Variants in FBN1 observed in about 807,000 individuals in gnomAD.
FBN1 encodes the protein fibrillin-1.
In FBN1, 29 loss-of-function variants were observed where a neutral mutation model predicts 365.1. The observed-to-expected ratio is 0.08, with a 90% CI of 0.06 to 0.11. The LOEUF is 0.11. Ranked by LOEUF, FBN1 falls within the 10% of genes least tolerant of loss-of-function variation. FBN1 has a pLI of 1.00. For missense variants in FBN1, 2,476 were observed against 3,703.2 expected, an observed-to-expected ratio of 0.67 and a Z score of 8.60; for synonymous variants, 1,210 against 1,270.5, an observed-to-expected ratio of 0.95 and a Z score of 1.01.
intron 30 of FBN1, 123 bp downstream of exon 30, chr15:48,485,250 AC>A: frequency 8.2e-7 from 1 of 1,224,044 alleles, no homozygotes; most frequent in African/African-American, 1.5e-5. Context: ...GATTAAGGAT[AC>A]AGTTAAAATA....
intron 2 of FBN1, chr15:48,644,231 G>A (rs923225961): frequency 4.6e-6 from 1 of 217,582 alleles, no homozygotes; most frequent in Non-Finnish European, 9.3e-6. Context: ...CTACCAAGAT[G>A]ACCCCAAGGA....
In FBN1 at chr15:48,432,995, C is replaced by T. The variant is rs2043036160; in HGVS notation, c.6617-7G>A. ...TGGGCACATTCATTTATATCTGCAG[C>T]AGAGGAGAGTAAGTAAATAAGGGAT... is the stretch of plus-strand genomic sequence containing the variant. On this transcript the variant is annotated splice_region_variant and splice_polypyrimidine_tract_variant and intron_variant, in intron 54 of 65. Coordinates refer to ENST00000316623, the MANE Select transcript of FBN1 (RefSeq NM_000138.5). 6.2e-7 allele frequency: 1 copy of T among 1,613,052 alleles called. No homozygotes were observed. The highest frequency in any genetic ancestry group is 1.3e-5 in the African/African-American group (1 of 74,938).
At chr15:48,499,194 C>G (rs2043634967) in intron 17 of FBN1, among the ~76,000 whole-genome samples, 156 bp from the exon 18 acceptor site, 1 of 152,154 alleles carries the variant, frequency 6.6e-6, no homozygotes, top group Non-Finnish European at 1.5e-5. Flanking sequence ...CACCTTTACA[C>G]CAGGCTCCCA....
intron 53 of FBN1, among the ~76,000 whole-genome samples, chr15:48,435,810 G>GTGTGTGTA (rs1555395093): frequency 3.0e-5 from 4 of 134,228 alleles, no homozygotes; most frequent in South Asian, 5.0e-4. Context: ...GTGTGTGTGT[G>GTGTGTGTA]TATATATGCC....
chr15:48,427,476 A>T, intron 58 of FBN1, 91 bp downstream of exon 58: 1 of 1,324,124 alleles, frequency 7.6e-7, no homozygotes. Flanking sequence ...ACCTAGGCAC[A>T]TATTGCAAAC....
At position 48,490,134 on chromosome 15, in the gene FBN1, A is replaced by G. The variant is rs1189485355; in HGVS notation, c.2855-56T>C. The G allele has an allele frequency of 2.1e-6, 3 of 1,408,758 alleles. No individual in the cohort carries two copies. The African/African-American group carries it at 4.2e-5, about 20-fold the overall frequency. The allele number at this position is 1,408,758 out of a possible 1,614,324, so 87.3% of individuals were successfully genotyped here. On this transcript the variant is annotated intron_variant, in intron 24 of 65. Transcript: ENST00000316623. ...GAGCCACACGGCTTCCACTGCCCCA[A>G]ACTGCCAACACTCTGTTAGGTAAAA...
rs2042993419 is a variant in FBN1 at position 48,427,970 on chromosome 15, T to G, written c.6998-197A>C. On this transcript the variant is annotated intron_variant, in intron 57 of 65. Coordinates refer to ENST00000316623, the MANE Select transcript of FBN1 (RefSeq NM_000138.5). ...TGAGGGAAACAAATAAGACATTCAG[T>G]AAGTAGGCAGAAAGACATTGGCCTA... The G allele has an allele frequency of 4.3e-6, 3 of 700,554 alleles. No individual in the cohort carries two copies. The African/African-American group carries it at 5.3e-5, about 12-fold the overall frequency. 43.4% of individuals were successfully genotyped at this position (700,554 alleles called of 1,614,324 possible).
rs147374855 is a variant in FBN1, at chr15:48,475,510, A to T, written c.3965-860T>A. On this transcript the variant is annotated intron_variant, in intron 32 of 65. Transcript: ENST00000316623. ...AGTGAAAATTTTCCAAAACGAGCCC[A>T]TTCTATAATGGGTTACCCTCATAAT... Among the ~76,000 whole-genome samples, 643 of 152,348 alleles carry T rather than the reference A, an allele frequency of 4.2e-3. 5 individuals are homozygous for T. The highest frequency in any genetic ancestry group is 6.8e-3 in the Non-Finnish European group (463 of 68,022).
chr15:48,494,025 G>C (rs2043582015), intron 23 of FBN1, among the ~76,000 whole-genome samples, 179 bp downstream of exon 23: 1 of 152,162 alleles, frequency 6.6e-6, no homozygotes, highest in African/African-American at 2.4e-5. Context: ...TCTGACACTA[G>C]CAACAGTATA....
At chr15:48,524,239 G>A (rs997137868) in intron 9 of FBN1, among the ~76,000 whole-genome samples, 2 of 152,200 alleles carry the variant, frequency 1.3e-5, no homozygotes, top group Middle Eastern at 3.2e-3. Context: ...CACAAAGGGA[G>A]CTCGGGGCTG....
chr15:48,505,198 T>C, intron 15 of FBN1, 51 bp from the exon 16 acceptor site: 1 of 1,609,046 alleles, frequency 6.2e-7, no homozygotes, highest in South Asian at 1.1e-5. Context: ...TTATCTAAAA[T>C]TATAACATGT....
chr15:48,486,942 A>G (rs2043511899), intron 29 of FBN1, 133 bp downstream of exon 29: 1 of 668,904 alleles, frequency 1.5e-6, no homozygotes, highest in Admixed American at 3.9e-5. Context: ...AAAAGTAGCG[A>G]TGAAAACAAA....
chr15:48,516,661 A>G (rs540069074), intron 10 of FBN1, among the ~76,000 whole-genome samples: 1 of 152,228 alleles, frequency 6.6e-6, no homozygotes, highest in Non-Finnish European at 1.5e-5. Context: ...TACTTTCTCC[A>G]TCCAGTCCCA....
In FBN1 at chr15:48,575,637, A is replaced by G. The variant is rs185321080; in HGVS notation, c.538+20646T>C. Among the ~76,000 whole-genome samples, 223 of 152,256 alleles carry G rather than the reference A, an allele frequency of 1.5e-3. 1 individual carries two copies. Among genetic ancestry groups the G allele is most frequent in the African/African-American group, 5.2e-3 (217 of 41,560 alleles). ...AACCTCTGCGGAAAACAGTATGGACATTTCTCAAAGAACTAATCCAACAAT... is the reference window on the plus strand; with the variant it reads ...AACCTCTGCGGAAAACAGTATGGACGTTTCTCAAAGAACTAATCCAACAAT... On this transcript the variant is annotated intron_variant, in intron 6 of 65. Coordinates refer to ENST00000316623, the MANE Select transcript of FBN1 (RefSeq NM_000138.5).
chr15:48,415,440 T>A (rs1566889796), intron 64 of FBN1, 96 bp downstream of exon 64: 1 of 945,418 alleles, frequency 1.1e-6, no homozygotes, highest in East Asian at 2.5e-5. Flanking sequence ...AAAGCATGGT[T>A]CTCCTCTGCT....
intron 22 of FBN1, among the ~76,000 whole-genome samples, chr15:48,494,878 C>A (rs2043591434): frequency 6.6e-6 from 1 of 152,198 alleles, no homozygotes; most frequent in African/African-American, 2.4e-5. Context: ...AGCTGGCAGG[C>A]ACTGGTGCTC....
At chr15:48,469,640 T>C (rs1375818505) in intron 36 of FBN1, among the ~76,000 whole-genome samples, 4 of 152,186 alleles carry the variant, frequency 2.6e-5, no homozygotes, top group Admixed American at 2.0e-4. Flanking sequence ...CTCCTGCGGG[T>C]TGCGCTGCAG....
chr15:48,612,028 A>T (rs2044660674), intron 3 of FBN1, among the ~76,000 whole-genome samples: 1 of 152,228 alleles, frequency 6.6e-6, no homozygotes, highest in African/African-American at 2.4e-5. Context: ...TTTCTCAGAG[A>T]ACTCTACAGA....
chr15:48,416,834 C>T (rs1196603484), intron 63 of FBN1: 1 of 152,174 alleles, frequency 6.6e-6, no homozygotes, highest in African/African-American at 2.4e-5. Context: ...GATAGATTGG[C>T]CTTCTCTTCA....
Sources: allele counts gnomAD v4.1 joint callset (sites outside exome capture counted in the v4.1 genomes callset), GRCh38; gene constraint gnomAD v4.1.1; transcripts MANE v1.5; gene names NCBI Gene and HGNC (gene_info 2026-07-23, HGNC 2026-07-21).